AGPAT4: variants seen among roughly 807,000 people sequenced by gnomAD.
AGPAT4 encodes the protein 1-acyl-sn-glycerol-3-phosphate acyltransferase delta.
AGPAT4 carries 15 observed loss-of-function variants against 48.0 expected under a neutral mutation model. The ratio of observed to expected loss-of-function variants is 0.31; its 90% CI spans 0.21 to 0.48. The LOEUF is 0.48. Among genes scored for constraint, AGPAT4 ranks in the 20% least tolerant of loss-of-function variants. The pLI, the probability that AGPAT4 is intolerant of heterozygous loss-of-function variation, is 0.99. For missense variants in AGPAT4, 314 were observed against 482.5 expected (o/e 0.65, Z 3.27); for synonymous variants, 178 against 198.7 (o/e 0.90, Z 0.88).
At chr6:161,183,846 C>T (rs973254519) in intron 2 of AGPAT4, among the ~76,000 whole-genome samples, 2 of 151,400 alleles carry the variant, frequency 1.3e-5, no homozygotes, top group East Asian at 3.9e-4. Flanking sequence ...TCGTGGCTCT[C>T]TGGGGACATG....
chr6:161,170,177 G>A (rs958929798), intron 2 of AGPAT4, among the ~76,000 whole-genome samples: 2 of 151,910 alleles, frequency 1.3e-5, no homozygotes, highest in African/African-American at 2.4e-5. Context: ...TATATCCATC[G>A]CCCCTTCCTG....
Position 161,232,662 on chromosome 6 carries a change from C to T in AGPAT4, c.-89-360G>A, listed in dbSNP as rs1782152806. The stretch of plus-strand genomic sequence containing the variant: ...GTCCCACTTGAGTGACGGCTGCCCA[C>T]AGGACAGGCCGCAAATCCGGCCTCC... On this transcript the variant is annotated intron_variant, in intron 1 of 8. Transcript: ENST00000320285. This position sits in a 1 kb window ranked among gnomAD's most constrained non-coding sequence, Gnocchi z 6.8. Among the ~76,000 whole-genome samples, 3 of 152,202 alleles carry T rather than the reference C, an allele frequency of 2.0e-5. No homozygotes were observed. Among genetic ancestry groups the T allele is most frequent in the Admixed American group, 2.0e-4 (3 of 15,284 alleles).
At position 161,229,797 on chromosome 6, in the gene AGPAT4, G is replaced by T. The variant is rs1782078278; in HGVS notation, c.178+2239C>A. Among the ~76,000 whole-genome samples, 1 of 152,018 alleles carries T rather than the reference G, an allele frequency of 6.6e-6. No individual in the cohort carries two copies. The highest frequency in any genetic ancestry group is 2.1e-4 in the South Asian group (1 of 4,822). On this transcript the variant is annotated intron_variant, in intron 2 of 8. Coordinates refer to ENST00000320285, the MANE Select transcript of AGPAT4 (RefSeq NM_020133.3). This position sits in a 1 kb window ranked among gnomAD's most constrained non-coding sequence, Gnocchi z 6.0. ...ATTGTTTAAAAATGCTTCCACTATC[G>T]CTTGGCCCAAAGCCCTAGGAAGCCT...
chr6:161,167,742 C>T (rs937053289), intron 2 of AGPAT4, among the ~76,000 whole-genome samples: 5 of 152,212 alleles, frequency 3.3e-5, no homozygotes, highest in African/African-American at 4.8e-5. Flanking sequence ...GAAGGCATCA[C>T]AGTCCAGTTT....
chr6:161,176,202 T>C (rs1780421990), intron 2 of AGPAT4, among the ~76,000 whole-genome samples: 1 of 152,228 alleles, frequency 6.6e-6, no homozygotes, highest in Admixed American at 6.5e-5. Flanking sequence ...GTTAACTTTC[T>C]GTCTCATTGA....
chr6:161,203,689 C>T (rs778194267), intron 2 of AGPAT4, among the ~76,000 whole-genome samples: 7 of 152,046 alleles, frequency 4.6e-5, no homozygotes, highest in South Asian at 2.1e-4. Context: ...TGAGCCACAG[C>T]GCCCGGCTGG....
At chr6:161,253,340 C>T (rs1782857178) in intron 1 of AGPAT4, among the ~76,000 whole-genome samples, 1 of 151,068 alleles carries the variant, frequency 6.6e-6, no homozygotes, top group Non-Finnish European at 1.5e-5. Context: ...CTGCAAGCTC[C>T]ACCTCCCAGG....
At position 161,219,830 on chromosome 6, in the gene AGPAT4, G is replaced by GATAGAT. The variant is rs1466413590; in HGVS notation, c.178+12200_178+12205dup. Among the ~76,000 whole-genome samples the GATAGAT allele has an allele frequency of 2.0e-3, 191 of 95,870 alleles. No homozygotes were observed. The highest frequency in any genetic ancestry group is 8.3e-3 in the African/African-American group (181 of 21,924). The allele number at this position is 95,870 out of a possible 152,430, so 62.9% of individuals were successfully genotyped here. A position where few individuals can be genotyped will look rare whatever the true frequency, so the allele number is the denominator to read the frequency against. On this transcript the variant is annotated intron_variant, in intron 2 of 8. Coordinates refer to ENST00000320285, the MANE Select transcript of AGPAT4 (RefSeq NM_020133.3). This position sits in a 1 kb window ranked among gnomAD's most constrained non-coding sequence, Gnocchi z 4.9. Reference sequence around the variant, plus strand: ...ACAGTAAAAAAGATAGACAGAGATAGATAGATAGATAGATAGATAGATAGA... The same window carrying GATAGAT: ...ACAGTAAAAAAGATAGACAGAGATAGATAGATATAGATAGATAGATAGATAGATAGA...
chr6:161,186,021 A>C (rs1178026703), intron 2 of AGPAT4, among the ~76,000 whole-genome samples: 1 of 152,186 alleles, frequency 6.6e-6, no homozygotes, highest in Non-Finnish European at 1.5e-5. Flanking sequence ...TACTGCATGG[A>C]GTAGTGAGAA....
Position 161,270,622 on chromosome 6 carries a change from T to C in AGPAT4, c.-90+3316A>G, listed in dbSNP as rs903157364. Among the ~76,000 whole-genome samples the C allele has an allele frequency of 6.6e-6, 1 of 151,656 alleles. No individual in the cohort carries two copies. Among genetic ancestry groups the C allele is most frequent in the Non-Finnish European group, 1.5e-5 (1 of 67,928 alleles). ...TATCTCTACTAAAAATACAAAAAAA[T>C]AAAAAATAAATTAGCTGGGCGTGGT... On this transcript the variant is annotated intron_variant, in intron 1 of 8. Coordinates refer to ENST00000320285, the MANE Select transcript of AGPAT4 (RefSeq NM_020133.3). The surrounding 1 kb of genome is among the most constrained non-coding windows in gnomAD (Gnocchi z 5.3).
In AGPAT4 at chr6:161,267,422, A is replaced by G. The variant is rs1783297636; in HGVS notation, c.-90+6516T>C. Among the ~76,000 whole-genome samples, 1 of 152,184 alleles carries G rather than the reference A, an allele frequency of 6.6e-6. No individual in the cohort carries two copies. The highest frequency in any genetic ancestry group is 2.4e-5 in the African/African-American group (1 of 41,450). Reference sequence around the variant, plus strand: ...GAGATTTGTTCATTATTTGAAAAATATTAGCTGGGGAACGGGCGCAGTGGC... The same window carrying G: ...GAGATTTGTTCATTATTTGAAAAATGTTAGCTGGGGAACGGGCGCAGTGGC... On this transcript the variant is annotated intron_variant, in intron 1 of 8. Transcript: ENST00000320285. The surrounding 1 kb of genome is among the most constrained non-coding windows in gnomAD (Gnocchi z 5.2).
In AGPAT4 at chr6:161,154,016, G is replaced by T; in HGVS notation, c.510+133C>A. 1 of 1,206,620 alleles carries T rather than the reference G, an allele frequency of 8.3e-7. No homozygotes were observed. Among genetic ancestry groups the T allele is most frequent in the Non-Finnish European group, 1.2e-6 (1 of 840,898 alleles). 74.7% of individuals were successfully genotyped at this position (1,206,620 alleles called of 1,614,324 possible). A position where few individuals can be genotyped will look rare whatever the true frequency, so the allele number is the denominator to read the frequency against. ...ACATACATCCCTGAGGTTATACACAGCCCTATGGTCACACACAGCCCTGGA... is the reference window on the plus strand; with the variant it reads ...ACATACATCCCTGAGGTTATACACATCCCTATGGTCACACACAGCCCTGGA... On this transcript the variant is annotated intron_variant, in intron 4 of 8. Transcript: ENST00000320285. This position sits in a 1 kb window ranked among gnomAD's most constrained non-coding sequence, Gnocchi z 7.8.
chr6:161,142,009 C>T lies in AGPAT4; in HGVS notation c.844-2389G>A, dbSNP rs958059314. On this transcript the variant is annotated intron_variant, in intron 7 of 8. Transcript: ENST00000320285. The surrounding 1 kb of genome is among the most constrained non-coding windows in gnomAD (Gnocchi z 6.4). ...TCCTGAGTACCTGGGATTACAGGCA[C>T]CTGCCATCATGCCCAGCTAATTTTT... 3.3e-5 allele frequency among the ~76,000 whole-genome samples: 5 copies of T among 152,190 alleles called. No individual in the cohort carries two copies. Among genetic ancestry groups the T allele is most frequent in the African/African-American group, 7.2e-5 (3 of 41,458 alleles).
In AGPAT4 at chr6:161,198,771, G is replaced by A. The variant is rs1370245917; in HGVS notation, c.179-32354C>T. On this transcript the variant is annotated intron_variant, in intron 2 of 8. Coordinates refer to ENST00000320285, the MANE Select transcript of AGPAT4 (RefSeq NM_020133.3). The surrounding 1 kb of genome is among the most constrained non-coding windows in gnomAD (Gnocchi z 4.3). ...AGTCTGTTTTTTCCTTTACACTGAC[G>A]GAGTGCGTGAATGTTAACAGGGAAA... Among the ~76,000 whole-genome samples the A allele has an allele frequency of 1.3e-5, 2 of 152,250 alleles. No individual in the cohort carries two copies. Among genetic ancestry groups the A allele is most frequent in the Non-Finnish European group, 2.9e-5 (2 of 68,018 alleles).
intron 2 of AGPAT4, among the ~76,000 whole-genome samples, chr6:161,183,935 G>A (rs1780688886): frequency 6.6e-6 from 1 of 152,018 alleles, no homozygotes; most frequent in Non-Finnish European, 1.5e-5. Flanking sequence ...AGGACGAAGG[G>A]AAGGAGAGGG....
intron 2 of AGPAT4, among the ~76,000 whole-genome samples, chr6:161,188,234 G>T (rs1290775665): frequency 3.3e-5 from 5 of 152,116 alleles, no homozygotes; most frequent in Non-Finnish European, 7.3e-5. Flanking sequence ...TCTTTACATG[G>T]GACATTGATT....
Position 161,267,299 on chromosome 6 carries a change from G to A in AGPAT4, c.-90+6639C>T, listed in dbSNP as rs908232614. Among the ~76,000 whole-genome samples the A allele has an allele frequency of 4.6e-5, 7 of 152,182 alleles. No homozygotes were observed. Among genetic ancestry groups the A allele is most frequent in the African/African-American group, 1.7e-4 (7 of 41,436 alleles). On this transcript the variant is annotated intron_variant, in intron 1 of 8. Transcript: ENST00000320285. The surrounding 1 kb of genome is among the most constrained non-coding windows in gnomAD (Gnocchi z 5.2). ...GTAGCTTGTCTTATAAAGTACTGCT[G>A]TTAGTTTTTCTCCAAATTCTAAAAT...
In AGPAT4 at chr6:161,225,975, CAG is replaced by C. The variant is rs1309623579; in HGVS notation, c.178+6059_178+6060del. Among the ~76,000 whole-genome samples, 1 of 152,142 alleles carries C rather than the reference CAG, an allele frequency of 6.6e-6. No individual in the cohort carries two copies. The highest frequency in any genetic ancestry group is 1.5e-5 in the Non-Finnish European group (1 of 68,028). On this transcript the variant is annotated intron_variant, in intron 2 of 8. Coordinates refer to ENST00000320285, the MANE Select transcript of AGPAT4 (RefSeq NM_020133.3). The surrounding 1 kb of genome is among the most constrained non-coding windows in gnomAD (Gnocchi z 5.0). ...TTGACTCGCCAAAGCCACTGTTGTTCAGCTACTCTGAAGGGAGAGATGATCAG... is the reference window on the plus strand; with the variant it reads ...TTGACTCGCCAAAGCCACTGTTGTTCCTACTCTGAAGGGAGAGATGATCAG...
rs71558034 is a variant in AGPAT4, at chr6:161,219,916, C to CGGCAGGCAGGCAGGCAGGCA, written c.178+12100_178+12119dup. The stretch of plus-strand genomic sequence containing the variant: ...GCAGGCAGGCAGGCAGGCAGGCAGG[C>CGGCAGGCAGGCAGGCAGGCA]GGCAGGCAGGCAGGCAGGCAGGCAG... On this transcript the variant is annotated intron_variant, in intron 2 of 8. Coordinates refer to ENST00000320285, the MANE Select transcript of AGPAT4 (RefSeq NM_020133.3). This position sits in a 1 kb window ranked among gnomAD's most constrained non-coding sequence, Gnocchi z 4.9. Among the ~76,000 whole-genome samples, 2 of 106,042 alleles carry CGGCAGGCAGGCAGGCAGGCA rather than the reference C, an allele frequency of 1.9e-5. No homozygotes were observed. The highest frequency in any genetic ancestry group is 9.2e-5 in the Admixed American group (1 of 10,812). 69.6% of individuals were successfully genotyped at this position (106,042 alleles called of 152,430 possible).
Sources: allele counts gnomAD v4.1 joint callset (sites outside exome capture counted in the v4.1 genomes callset), GRCh38; gene constraint gnomAD v4.1.1; non-coding constraint Gnocchi (gnomAD v3.1); transcripts MANE v1.5; gene names NCBI Gene and HGNC (gene_info 2026-07-23, HGNC 2026-07-21).